The following CHD9 variants were observed in gnomAD, a reference collection of about 807,000 sequenced individuals.
CHD9 encodes ATP-dependent chromatin remodeler CHD9.
Under a neutral mutation model 316.1 loss-of-function variants are expected in CHD9, and 77 were observed. The observed-to-expected ratio is 0.24, with a 90% confidence interval of 0.20 to 0.29. The LOEUF (loss-of-function observed/expected upper bound fraction) is 0.29. Among genes scored for constraint, CHD9 ranks in the 10% least tolerant of loss-of-function variants. The pLI is 1.00. For synonymous variants in CHD9, 1,129 were observed against 1,158.3 expected (o/e 0.97, Z 0.51); for missense variants, 2,763 against 3,438.1 (o/e 0.80, Z 4.91).
intron 2 of CHD9, among the ~76,000 whole-genome samples, chr16:53,178,431 T>C (rs1254885953): frequency 1.5e-5 from 2 of 134,788 alleles, no homozygotes; most frequent in South Asian, 2.2e-4. Flanking sequence ...TGGTTTCTTT[T>C]TTTTTTTTTT....
At chr16:53,098,755 C>T (rs2036588830) in intron 1 of CHD9, among the ~76,000 whole-genome samples, 1 of 152,120 alleles carries the variant, frequency 6.6e-6, no homozygotes, top group African/African-American at 2.4e-5. Context: ...GCCCAATGCA[C>T]CCCATTACAT....
intron 2 of CHD9, among the ~76,000 whole-genome samples, chr16:53,187,028 A>T (rs2044076046): frequency 6.6e-6 from 1 of 152,206 alleles, no homozygotes. Context: ...TCCACAATAA[A>T]ATCTATGCCA....
chr16:53,081,699 T>C (rs2035030370), intron 1 of CHD9, among the ~76,000 whole-genome samples: 1 of 152,092 alleles, frequency 6.6e-6, no homozygotes, highest in African/African-American at 2.4e-5. Context: ...GCAATCCTCT[T>C]ACCTCAGCCT....
chr16:53,111,618 C>T (rs968256311), intron 1 of CHD9, among the ~76,000 whole-genome samples: 9 of 152,178 alleles, frequency 5.9e-5, no homozygotes, highest in South Asian at 2.1e-4. Flanking sequence ...AAGTAGCCAA[C>T]GAATACCATG....
At chr16:53,318,397 C>A in intron 37 of CHD9, 57 bp downstream of exon 37, 1 of 1,354,068 alleles carries the variant, frequency 7.4e-7, no homozygotes, top group Non-Finnish European at 1.0e-6. Flanking sequence ...AAGAGATCTC[C>A]AGAACACTAT....
intron 22 of CHD9, among the ~76,000 whole-genome samples, chr16:53,269,531 C>T (rs1379679113): frequency 6.6e-6 from 1 of 152,096 alleles, no homozygotes; most frequent in East Asian, 1.9e-4. Context: ...ACAGAAAGCA[C>T]CCATTTTAGA....
At chr16:53,308,066 G>T in intron 33 of CHD9, 113 bp downstream of exon 33, 3 of 902,850 alleles carry the variant, frequency 3.3e-6, no homozygotes, top group African/African-American at 1.7e-5. Context: ...CCTGTTTCTT[G>T]GTATTTGGAT....
intron 1 of CHD9, among the ~76,000 whole-genome samples, chr16:53,143,135 T>G (rs572115649): frequency 6.6e-6 from 1 of 152,276 alleles, no homozygotes; most frequent in African/African-American, 2.4e-5. Flanking sequence ...CTCGAAACAC[T>G]GTTGCTTTGA....
At chr16:53,058,724 C>T (rs571345563) in intron 1 of CHD9, among the ~76,000 whole-genome samples, 2 of 152,278 alleles carry the variant, frequency 1.3e-5, no homozygotes, top group East Asian at 1.9e-4. Context: ...ATGAAATTGA[C>T]GTTCCATGCT....
At chr16:53,281,584 C>T (rs1352518057) in intron 24 of CHD9, among the ~76,000 whole-genome samples, 1 of 152,146 alleles carries the variant, frequency 6.6e-6, no homozygotes, top group Admixed American at 6.6e-5. Flanking sequence ...TCCTTAACAC[C>T]CTCCAGATGT....
chr16:53,318,135 A>G, intron 36 of CHD9, 77 bp from the exon 37 acceptor site: 1 of 1,176,020 alleles, frequency 8.5e-7, no homozygotes, highest in Non-Finnish European at 1.2e-6. Flanking sequence ...AATTACTTGG[A>G]TCAGCTCATT....
At chr16:53,304,693 CTTTT>C (rs376929117) in intron 31 of CHD9, 68 bp downstream of exon 31, 1,029 of 765,590 alleles carry the variant, frequency 1.3e-3, no homozygotes, top group East Asian at 2.3e-3. Flanking sequence ...CTTTTCTTTT[CTTTT>C]TTTTTTTTTT....
chr16:53,116,694 TA>T (rs2038334563), intron 1 of CHD9, among the ~76,000 whole-genome samples: 1 of 152,108 alleles, frequency 6.6e-6, no homozygotes, highest in Admixed American at 6.6e-5. Flanking sequence ...GAACCAGAAA[TA>T]CCATTTGACC....
intron 1 of CHD9, among the ~76,000 whole-genome samples, chr16:53,132,023 G>A (rs995830445): frequency 6.6e-6 from 1 of 152,302 alleles, no homozygotes; most frequent in East Asian, 1.9e-4. Flanking sequence ...CGGAAAGCCC[G>A]GGTGTCTCAC....
At chr16:53,073,471 T>C (rs984543306) in intron 1 of CHD9, among the ~76,000 whole-genome samples, 1 of 152,272 alleles carries the variant, frequency 6.6e-6, no homozygotes, top group Non-Finnish European at 1.5e-5. Context: ...TTTGAGACTC[T>C]GTTTTCAATA....
At chr16:53,169,214 A>T (rs572732687) in intron 2 of CHD9, 36 of 152,346 alleles carry the variant, frequency 2.4e-4, no homozygotes, top group African/African-American at 7.7e-4. Context: ...GTCTCAAAAC[A>T]TATAAATAAA....
chr16:53,144,640 C>T (rs904353052), intron 1 of CHD9, among the ~76,000 whole-genome samples: 7 of 151,196 alleles, frequency 4.6e-5, no homozygotes, highest in Admixed American at 6.6e-5. Context: ...GCGATTCTCC[C>T]GCCTCAGCCT....
At chr16:53,192,057 ACT>A (rs1438349282) in intron 2 of CHD9, among the ~76,000 whole-genome samples, 1 of 145,262 alleles carries the variant, frequency 6.9e-6, no homozygotes, top group Non-Finnish European at 1.5e-5. Flanking sequence ...AATGAGTGAG[ACT>A]CCATCTCAAA....
chr16:53,132,471 T>A (rs1172683788), intron 1 of CHD9, among the ~76,000 whole-genome samples: 2 of 152,214 alleles, frequency 1.3e-5, no homozygotes, highest in East Asian at 3.8e-4. Context: ...TTCCCTAGAC[T>A]CTAGATAACT....
Sources: gnomAD v4.1 joint callset for allele counts (sites outside exome capture counted in the v4.1 genomes callset) on GRCh38, gnomAD v4.1.1 for gene constraint, MANE v1.5 for transcripts, NCBI Gene and HGNC (gene_info 2026-07-23, HGNC 2026-07-21) for gene names.